ROBO2: variants seen among roughly 807,000 people sequenced by gnomAD.
ROBO2 encodes the protein roundabout homolog 2.
A neutral mutation model predicts 160.8 loss-of-function variants in ROBO2; 53 were observed. The ratio of observed to expected loss-of-function variants is 0.33; its 90% CI spans 0.26 to 0.41. ROBO2 has a LOEUF of 0.41. Ranked by LOEUF, ROBO2 falls within the 10% of genes least tolerant of loss-of-function variation. ROBO2 has a pLI of 1.00. For synonymous variants in ROBO2, 664 were observed against 611.7 expected, an observed-to-expected ratio of 1.09 and a Z score of -1.26; for missense variants, 1,577 against 1,722.4, an observed-to-expected ratio of 0.92 and a Z score of 1.49.
In ROBO2 at chr3:77,288,204, C is replaced by T. The variant is rs534521962; in HGVS notation, c.389-189210C>T. The stretch of plus-strand genomic sequence containing the variant: ...TTTTAGAAATTGTGGGAGCTAGTTT[C>T]GATGGCAAGAATCAGAGGAACCGTT... On this transcript the variant is annotated intron_variant, in intron 2 of 25. Transcript: ENST00000461745. Among the ~76,000 whole-genome samples, 10 of 152,164 alleles carry T rather than the reference C, an allele frequency of 6.6e-5. No individual in the cohort carries two copies. The South Asian group carries it at 1.9e-3, about 28-fold the overall frequency.
chr3:77,596,610 A>T lies in ROBO2; in HGVS notation c.2727-13A>T. 1 of 1,613,608 alleles carries T rather than the reference A, an allele frequency of 6.2e-7. No homozygotes were observed. The highest frequency in any genetic ancestry group is 8.5e-7 in the Non-Finnish European group (1 of 1,179,716). Reference sequence around the variant, plus strand: ...AGCTCCATGTGTTGATTTCCTTGTAATTTCTGTTTTAGCCGTCCAGGTCTT... The same window carrying T: ...AGCTCCATGTGTTGATTTCCTTGTATTTTCTGTTTTAGCCGTCCAGGTCTT... On this transcript the variant is annotated splice_polypyrimidine_tract_variant and intron_variant, in intron 18 of 25. Transcript: ENST00000461745.
chr3:76,205,983 T>A (rs1702783415), intron 2 of ROBO2, among the ~76,000 whole-genome samples: 1 of 152,114 alleles, frequency 6.6e-6, no homozygotes, highest in South Asian at 2.1e-4. Flanking sequence ...TCACCAGGGC[T>A]GAATCTGGAA....
At chr3:76,654,271 G>GT (rs748364568) in intron 2 of ROBO2, among the ~76,000 whole-genome samples, 13 of 152,092 alleles carry the variant, frequency 8.5e-5, no homozygotes, top group Non-Finnish European at 1.6e-4. Flanking sequence ...TTTGGGTTGA[G>GT]TTTTACATTT....
chr3:76,980,633 A>G (rs1448503550), intron 2 of ROBO2, among the ~76,000 whole-genome samples: 1 of 152,186 alleles, frequency 6.6e-6, no homozygotes, highest in African/African-American at 2.4e-5. Context: ...TAACTTTATT[A>G]TTAAAATTAA....
chr3:77,625,191 C>T (rs1278689653), intron 23 of ROBO2, among the ~76,000 whole-genome samples: 1 of 152,064 alleles, frequency 6.6e-6, no homozygotes, highest in Non-Finnish European at 1.5e-5. Context: ...AGTTCCATAT[C>T]CCATAATCTC....
At chr3:76,862,475 G>GTT (rs2070892370) in intron 2 of ROBO2, among the ~76,000 whole-genome samples, 1 of 152,098 alleles carries the variant, frequency 6.6e-6, no homozygotes, top group African/African-American at 2.4e-5. Context: ...AAATTTGTGA[G>GTT]TTTTTATGCA....
In ROBO2 at chr3:77,239,602, C is replaced by A. The variant is rs2088655567; in HGVS notation, c.388+141262C>A. On this transcript the variant is annotated intron_variant, in intron 2 of 25. Coordinates refer to ENST00000461745, the Ensembl canonical transcript of ROBO2. Reference sequence around the variant, plus strand: ...GCTGACTGGCCCATTTTACAGAGAGCTGATTGGTCCATTTTGACAGGGTGC... The same window carrying A: ...GCTGACTGGCCCATTTTACAGAGAGATGATTGGTCCATTTTGACAGGGTGC... 5.9e-5 allele frequency among the ~76,000 whole-genome samples: 9 copies of A among 152,192 alleles called. No homozygotes were observed. The South Asian group carries it at 1.9e-3, about 31-fold the overall frequency.
chr3:75,928,789 T>C (rs534410181), intron 1 of ROBO2, among the ~76,000 whole-genome samples: 1 of 148,400 alleles, frequency 6.7e-6, no homozygotes, highest in South Asian at 2.2e-4. Flanking sequence ...GTGTGTGAGA[T>C]AGCTGATGAT....
intron 2 of ROBO2, among the ~76,000 whole-genome samples, chr3:76,726,070 C>T (rs945233880): frequency 3.3e-5 from 5 of 152,078 alleles, no homozygotes; most frequent in Admixed American, 6.6e-5. Context: ...ACATCACACG[C>T]GCATACATCA....
At chr3:76,143,786 C>T (rs2071777849) in intron 2 of ROBO2, among the ~76,000 whole-genome samples, 1 of 151,920 alleles carries the variant, frequency 6.6e-6, no homozygotes, top group South Asian at 2.1e-4. Flanking sequence ...AGGCTAAGTC[C>T]CAAGATCCTC....
rs188920784 is a variant in ROBO2, at chr3:77,001,258, G to A, written c.110-96756G>A. On this transcript the variant is annotated intron_variant, in intron 2 of 26. Coordinates refer to the ROBO2 transcript ENST00000487694. ...AGGAGAAATCCAAATTGGAATGTCA[G>A]CTAATGCCAGTAGTATCAGAGTTTT... Among the ~76,000 whole-genome samples the A allele has an allele frequency of 1.0e-3, 156 of 152,250 alleles. 1 individual carries two copies. The highest frequency in any genetic ancestry group is 8.8e-5 in the Non-Finnish European group (6 of 68,018).
intron 5 of ROBO2, 119 bp downstream of exon 5, chr3:77,493,501 GA>G: frequency 9.1e-7 from 1 of 1,097,168 alleles, no homozygotes; most frequent in Admixed American, 1.9e-5. Context: ...TCACTCATGT[GA>G]TTTTTACATA....
intron 2 of ROBO2, among the ~76,000 whole-genome samples, chr3:75,952,861 T>G (rs1376578468): frequency 2.0e-5 from 3 of 151,946 alleles, no homozygotes; most frequent in African/African-American, 7.2e-5. Flanking sequence ...GGTTTTGCTT[T>G]TTCCAGAAGG....
intron 2 of ROBO2, among the ~76,000 whole-genome samples, chr3:76,334,009 G>A (rs1336294415): frequency 4.6e-5 from 7 of 152,172 alleles, no homozygotes; most frequent in African/African-American, 1.4e-4. Flanking sequence ...AGGGGAGCAG[G>A]AAGGGATAGC....
intron 2 of ROBO2, among the ~76,000 whole-genome samples, chr3:77,161,024 A>G (rs966806673): frequency 3.3e-5 from 5 of 152,134 alleles, no homozygotes; most frequent in African/African-American, 1.2e-4. Flanking sequence ...GGTTCCACAG[A>G]TAGGTAAAAG....
chr3:76,174,872 T>G (rs965717085), intron 2 of ROBO2, among the ~76,000 whole-genome samples: 8 of 152,162 alleles, frequency 5.3e-5, no homozygotes, highest in Non-Finnish European at 1.0e-4. Context: ...ATATAAAATT[T>G]AAGGTAGGTT....
chr3:77,170,952 A>G (rs775711504), intron 2 of ROBO2, among the ~76,000 whole-genome samples: 1 of 152,134 alleles, frequency 6.6e-6, no homozygotes, highest in Non-Finnish European at 1.5e-5. Context: ...GAACAAAAAA[A>G]GTCTGTTTCT....
At chr3:77,336,856 T>C (rs1210266822) in intron 2 of ROBO2, among the ~76,000 whole-genome samples, 5 of 152,222 alleles carry the variant, frequency 3.3e-5, no homozygotes, top group Admixed American at 3.3e-4. Flanking sequence ...GAATTGGTGA[T>C]GCCTTTCCCA....
chr3:76,707,729 G>GTA (rs1477547702), intron 2 of ROBO2, among the ~76,000 whole-genome samples: 2 of 75,322 alleles, frequency 2.7e-5, no homozygotes, highest in African/African-American at 6.8e-5. Flanking sequence ...ATACATGTGT[G>GTA]TGTATATATA....
Sources: allele counts gnomAD v4.1 joint callset (sites outside exome capture counted in the v4.1 genomes callset), GRCh38; gene constraint gnomAD v4.1.1; transcripts MANE v1.5; gene names NCBI Gene and HGNC (gene_info 2026-07-23, HGNC 2026-07-21).